The following NARS2 variants were observed in gnomAD, a reference collection of about 807,000 sequenced individuals.
The protein encoded by NARS2 is asparaginyl-tRNA synthetase.
In NARS2, 60 loss-of-function variants were observed where a neutral mutation model predicts 62.9. The ratio of observed to expected loss-of-function variants is 0.95; its 90% CI spans 0.77 to 1.18. The LOEUF (loss-of-function observed/expected upper bound fraction) is 1.18. NARS2 is among the 50% of genes most tolerant of loss of function. NARS2 has a pLI of 0.00. For synonymous variants in NARS2, 196 were observed against 200.0 expected, an observed-to-expected ratio of 0.98 and a Z score of 0.17; for missense variants, 619 against 576.4, an observed-to-expected ratio of 1.07 and a Z score of -0.76.
At chr11:78,527,509 A>G (rs961993600) in intron 6 of NARS2, among the ~76,000 whole-genome samples, 1 of 152,226 alleles carries the variant, frequency 6.6e-6, no homozygotes, top group African/African-American at 2.4e-5. Context: ...ATCAAATAAC[A>G]TATTTTTGTT....
rs545767767 is a variant in NARS2, at chr11:78,453,983, A to G, written c.1165-10225T>C. ...TGAAATTCTTACCTTGCTCCCAAAC[A>G]TGTATTCCCTTTCCCTCATGGTCAA... On this transcript the variant is annotated intron_variant, in intron 11 of 13. Transcript: ENST00000281038. 2.0e-5 allele frequency among the ~76,000 whole-genome samples: 3 copies of G among 152,336 alleles called. No individual in the cohort carries two copies. The East Asian group carries it at 5.8e-4, about 29-fold the overall frequency.
intron 9 of NARS2, among the ~76,000 whole-genome samples, chr11:78,473,980 A>G (rs1394828888): frequency 6.6e-6 from 1 of 152,108 alleles, no homozygotes; most frequent in Admixed American, 6.6e-5. Context: ...TCCCTACCCT[A>G]CACCCTGAGA....
At chr11:78,505,941 G>A (rs1197222811) in intron 6 of NARS2, among the ~76,000 whole-genome samples, 1 of 152,020 alleles carries the variant, frequency 6.6e-6, no homozygotes, top group East Asian at 1.9e-4. Flanking sequence ...GGGAAAAAAA[G>A]TACACCACCT....
chr11:78,460,082 T>C (rs1018741391), intron 11 of NARS2, among the ~76,000 whole-genome samples: 1 of 152,120 alleles, frequency 6.6e-6, no homozygotes, highest in African/African-American at 2.4e-5. Flanking sequence ...ACTGCACGTC[T>C]GAAGACACAG....
chr11:78,482,819 G>A (rs1195797565), intron 7 of NARS2, among the ~76,000 whole-genome samples: 1 of 152,128 alleles, frequency 6.6e-6, no homozygotes, highest in African/African-American at 2.4e-5. Flanking sequence ...GGTACAAAGA[G>A]GAGCTAGAAC....
At chr11:78,512,953 T>G (rs1183427777) in intron 6 of NARS2, among the ~76,000 whole-genome samples, 7 of 152,164 alleles carry the variant, frequency 4.6e-5, no homozygotes, top group Non-Finnish European at 1.0e-4. Context: ...TTAGTTATAT[T>G]AAAATGTACA....
chr11:78,512,964 A>G (rs150196985), intron 6 of NARS2, among the ~76,000 whole-genome samples: 242 of 152,326 alleles, frequency 1.6e-3, no homozygotes, highest in African/African-American at 5.6e-3. Flanking sequence ...AAAATGTACA[A>G]TTAGGCCGAG....
At chr11:78,481,403 A>G (rs1389714567) in intron 7 of NARS2, among the ~76,000 whole-genome samples, 2 of 152,178 alleles carry the variant, frequency 1.3e-5, no homozygotes, top group African/African-American at 2.4e-5. Context: ...ATATGCCTCA[A>G]TCACTTAAAC....
chr11:78,458,413 T>A (rs2135186191), intron 11 of NARS2, among the ~76,000 whole-genome samples: 1 of 152,298 alleles, frequency 6.6e-6, no homozygotes, highest in Non-Finnish European at 1.5e-5. Context: ...TATGGTCTCA[T>A]TTTTACAGAT....
chr11:78,451,535 G>T (rs183911351), intron 11 of NARS2, among the ~76,000 whole-genome samples: 4 of 152,142 alleles, frequency 2.6e-5, no homozygotes, highest in African/African-American at 9.7e-5. Context: ...TGGCATTTGC[G>T]GGTGATGACA....
intron 7 of NARS2, among the ~76,000 whole-genome samples, chr11:78,492,198 T>C (rs1046959506): frequency 5.3e-5 from 8 of 152,048 alleles, no homozygotes; most frequent in African/African-American, 1.9e-4. Context: ...TTTATTCCTA[T>C]GTATTGGAAT....
At chr11:78,469,140 G>A in intron 10 of NARS2, 107 bp downstream of exon 10, 1 of 741,544 alleles carries the variant, frequency 1.3e-6, no homozygotes, top group South Asian at 1.7e-5. Context: ...GCCATATTTT[G>A]CTAATAAGAG....
intron 13 of NARS2, among the ~76,000 whole-genome samples, chr11:78,437,302 C>T (rs1276794110): frequency 6.6e-6 from 1 of 152,114 alleles, no homozygotes; most frequent in Non-Finnish European, 1.5e-5. Context: ...TACAACAGGG[C>T]AGGAACTGTG....
intron 6 of NARS2, among the ~76,000 whole-genome samples, chr11:78,518,678 C>T (rs556530997): frequency 2.0e-5 from 3 of 152,072 alleles, no homozygotes; most frequent in South Asian, 2.1e-4. Flanking sequence ...CCACCACGCC[C>T]GGCCAATTTT....
chr11:78,462,385 GA>G (rs1858434796), intron 11 of NARS2, among the ~76,000 whole-genome samples: 1 of 152,160 alleles, frequency 6.6e-6, no homozygotes, highest in Non-Finnish European at 1.5e-5. Flanking sequence ...GAGAATATAA[GA>G]ATCATACATC....
chr11:78,483,155 C>G (rs4274222), intron 7 of NARS2, among the ~76,000 whole-genome samples: 1 of 151,928 alleles, frequency 6.6e-6, no homozygotes, highest in African/African-American at 2.4e-5. Context: ...ATTACCTCAA[C>G]AGACGCAGAA....
intron 6 of NARS2, among the ~76,000 whole-genome samples, chr11:78,528,233 A>C (rs545404395): frequency 1.9e-4 from 29 of 152,346 alleles, no homozygotes; most frequent in African/African-American, 6.0e-4. Context: ...CTCTAAAAAA[A>C]ATAAAAATAA....
chr11:78,553,282 C>T (rs1438586253), intron 5 of NARS2, among the ~76,000 whole-genome samples: 7 of 151,776 alleles, frequency 4.6e-5, no homozygotes, highest in Non-Finnish European at 7.4e-5. Flanking sequence ...ATGTCCTTTG[C>T]ACCCCCCCTT....
intron 5 of NARS2, among the ~76,000 whole-genome samples, chr11:78,534,869 C>T (rs1343981566): frequency 6.6e-6 from 1 of 152,174 alleles, no homozygotes; most frequent in African/African-American, 2.4e-5. Flanking sequence ...AAAAAACCTC[C>T]ATTTGTGTTA....
Sources: gnomAD v4.1 joint callset for allele counts (sites outside exome capture counted in the v4.1 genomes callset) on GRCh38, gnomAD v4.1.1 for gene constraint, MANE v1.5 for transcripts, NCBI Gene and HGNC (gene_info 2026-07-23, HGNC 2026-07-21) for gene names.